Variants in GRIA1 observed in about 807,000 individuals in gnomAD.
The protein encoded by GRIA1 is glutamate receptor 1.
Under a neutral mutation model 99.2 loss-of-function variants are expected in GRIA1, and 31 were observed. That is an observed-to-expected ratio of 0.31 (90% confidence interval 0.23 to 0.42). GRIA1 has a LOEUF of 0.42. Ranked by LOEUF, GRIA1 falls within the 10% of genes least tolerant of loss-of-function variation. The probability of loss-of-function intolerance (pLI) is 1.00; values close to 1 mark genes in which losing one functional copy is unlikely to be tolerated. For missense variants in GRIA1, 782 were observed against 1,157.5 expected, an observed-to-expected ratio of 0.68 and a Z score of 4.71; for synonymous variants, 438 against 432.4, an observed-to-expected ratio of 1.01 and a Z score of -0.16.
At chr5:153,547,936 C>T (rs1759759765) in intron 2 of GRIA1, among the ~76,000 whole-genome samples, 1 of 152,182 alleles carries the variant, frequency 6.6e-6, no homozygotes, top group African/African-American at 2.4e-5. Flanking sequence ...ATAATTATCA[C>T]TAAAGCCCCT....
chr5:153,558,789 A>G (rs1351265876), intron 2 of GRIA1, among the ~76,000 whole-genome samples: 2 of 152,160 alleles, frequency 1.3e-5, no homozygotes, highest in Admixed American at 6.5e-5. Context: ...AGAAATATAC[A>G]TTAATGTATC....
At chr5:153,786,229 T>C (rs1764955549) in intron 13 of GRIA1, among the ~76,000 whole-genome samples, 1 of 152,052 alleles carries the variant, frequency 6.6e-6, no homozygotes, top group Non-Finnish European at 1.5e-5. Flanking sequence ...TGTTCTAGCA[T>C]AGCACTCAAG....
chr5:153,799,321 G>T (rs1299923337), intron 14 of GRIA1, among the ~76,000 whole-genome samples: 2 of 152,168 alleles, frequency 1.3e-5, no homozygotes, highest in African/African-American at 4.8e-5. Context: ...TCAAATAAAA[G>T]GAATTTTTGT....
chr5:153,738,629 A>G (rs892265423), intron 11 of GRIA1, among the ~76,000 whole-genome samples: 1 of 148,442 alleles, frequency 6.7e-6, no homozygotes, highest in Non-Finnish European at 1.5e-5. Flanking sequence ...GGGTTTGTTC[A>G]TTTTTCCTCC....
Position 153,540,991 on chromosome 5 carries a change from C to T in GRIA1, c.220+46926C>T, listed in dbSNP as rs191528323. Among the ~76,000 whole-genome samples, 48 of 152,262 alleles carry T rather than the reference C, an allele frequency of 3.2e-4. No individual in the cohort carries two copies. In the East Asian group the frequency reaches 6.9e-3, roughly 22 times the overall value. On this transcript the variant is annotated intron_variant, in intron 2 of 15. Coordinates refer to ENST00000285900, the MANE Select transcript of GRIA1 (RefSeq NM_000827.4). ...TAGGAGAGGCAGGCAGTACCCAAAACCTGCAGGACCCGGGAGGTCACAATT... is the reference window on the plus strand; with the variant it reads ...TAGGAGAGGCAGGCAGTACCCAAAATCTGCAGGACCCGGGAGGTCACAATT...
chr5:153,695,546 G>A (rs934536817), intron 8 of GRIA1, among the ~76,000 whole-genome samples: 2 of 152,190 alleles, frequency 1.3e-5, no homozygotes, highest in African/African-American at 2.4e-5. Context: ...GCAAAAGCAA[G>A]GGAACTGAGA....
intron 2 of GRIA1, among the ~76,000 whole-genome samples, chr5:153,619,172 T>C (rs1042083029): frequency 6.6e-6 from 1 of 152,204 alleles, no homozygotes; most frequent in African/African-American, 2.4e-5. Context: ...ACTCATTTAA[T>C]GAAAGAAAGT....
At chr5:153,674,192 C>G (rs1179757186) in intron 5 of GRIA1, among the ~76,000 whole-genome samples, 1 of 152,196 alleles carries the variant, frequency 6.6e-6, no homozygotes, top group Non-Finnish European at 1.5e-5. Context: ...TGTATGTTTA[C>G]CCCAACAACC....
chr5:153,770,131 G>C (rs369187766), intron 12 of GRIA1, 37 bp from the exon 13 acceptor site: 14 of 1,607,794 alleles, frequency 8.7e-6, no homozygotes, highest in Non-Finnish European at 1.1e-5. Context: ...CCAATTCCAA[G>C]CGCACTTAAT....
intron 2 of GRIA1, among the ~76,000 whole-genome samples, chr5:153,495,953 G>A (rs561927188): frequency 2.6e-5 from 4 of 152,304 alleles, no homozygotes; most frequent in South Asian, 2.1e-4. Flanking sequence ...ATACTTTATA[G>A]CTTTTGTATT....
At chr5:153,672,621 G>A (rs528548573) in intron 5 of GRIA1, among the ~76,000 whole-genome samples, 4 of 151,940 alleles carry the variant, frequency 2.6e-5, no homozygotes, top group East Asian at 1.9e-4. Flanking sequence ...AGGGGTGGGG[G>A]AGGGTTGTTT....
intron 2 of GRIA1, among the ~76,000 whole-genome samples, chr5:153,607,068 T>TAGATATATATATATATAA (rs1491415058): frequency 7.1e-6 from 1 of 140,408 alleles, no homozygotes; most frequent in African/African-American, 2.6e-5. Context: ...TATATATATA[T>TAGATATATATATATATAA]AATCACAGTT....
intron 11 of GRIA1, among the ~76,000 whole-genome samples, chr5:153,722,492 G>A (rs930402154): frequency 6.6e-6 from 1 of 152,174 alleles, no homozygotes; most frequent in Non-Finnish European, 1.5e-5. Flanking sequence ...ATGTGTGAGA[G>A]AGAGGGTCAA....
At chr5:153,540,318 A>T (rs1300004990) in intron 2 of GRIA1, among the ~76,000 whole-genome samples, 3 of 152,190 alleles carry the variant, frequency 2.0e-5, no homozygotes, top group African/African-American at 7.2e-5. Context: ...TAGAAAGGAA[A>T]CTACAGCAGG....
intron 2 of GRIA1, among the ~76,000 whole-genome samples, chr5:153,623,915 A>G (rs1767315257): frequency 6.6e-6 from 1 of 152,158 alleles, no homozygotes; most frequent in Non-Finnish European, 1.5e-5. Flanking sequence ...AGCTCTTTGA[A>G]GTCTCGTTGA....
chr5:153,561,310 C>G (rs912697447), intron 2 of GRIA1, among the ~76,000 whole-genome samples: 2 of 152,152 alleles, frequency 1.3e-5, no homozygotes, highest in East Asian at 3.9e-4. Context: ...GGTCATGAAA[C>G]TGGTAACTTG....
intron 2 of GRIA1, among the ~76,000 whole-genome samples, chr5:153,610,761 AT>A (rs1765911200): frequency 6.6e-6 from 1 of 152,320 alleles, no homozygotes; most frequent in South Asian, 2.1e-4. Context: ...TTTTGTGAGG[AT>A]TTTAAAAAGT....
intron 5 of GRIA1, 133 bp from the exon 6 acceptor site, chr5:153,674,367 G>A: frequency 1.1e-6 from 1 of 934,514 alleles, no homozygotes; most frequent in Non-Finnish European, 1.7e-6. Flanking sequence ...CAAAGGAAAG[G>A]AGGCCTAACT....
chr5:153,660,575 G>T (rs965525010), intron 5 of GRIA1, among the ~76,000 whole-genome samples: 1 of 152,170 alleles, frequency 6.6e-6, no homozygotes, highest in African/African-American at 2.4e-5. Context: ...AAGACAGCTT[G>T]AGTTTAAATC....
Sources: allele counts gnomAD v4.1 joint callset (sites outside exome capture counted in the v4.1 genomes callset), GRCh38; gene constraint gnomAD v4.1.1; transcripts MANE v1.5; gene names NCBI Gene and HGNC (gene_info 2026-07-23, HGNC 2026-07-21).